Variants in ATXN1 observed in about 807,000 individuals in gnomAD.
ATXN1 encodes ataxin 1.
In ATXN1, 8 loss-of-function variants were observed where a neutral mutation model predicts 56.4. The observed-to-expected ratio is 0.14, with a 90% CI of 0.08 to 0.26. ATXN1 has a LOEUF of 0.26. ATXN1 is among the 10% of genes least tolerant of loss of function. ATXN1 has a pLI of 1.00. For missense variants in ATXN1, 987 were observed against 1,106.5 expected, an observed-to-expected ratio of 0.89 and a Z score of 1.53; for synonymous variants, 514 against 494.6, an observed-to-expected ratio of 1.04 and a Z score of -0.52.
At chr6:16,616,997 T>C (rs975440146) in intron 3 of ATXN1, among the ~76,000 whole-genome samples, 2 of 152,102 alleles carry the variant, frequency 1.3e-5, no homozygotes, top group Non-Finnish European at 2.9e-5. Flanking sequence ...ATCTCTAATT[T>C]ATACATTGAA....
At chr6:16,713,952 G>A (rs773958394) in intron 2 of ATXN1, among the ~76,000 whole-genome samples, 6 of 152,194 alleles carry the variant, frequency 3.9e-5, no homozygotes, top group Non-Finnish European at 5.9e-5. Context: ...GAGGCCAGAA[G>A]TTTGAGACCA....
In ATXN1 at chr6:16,567,660, T is replaced by C. The variant is rs139833986; in HGVS notation, c.-361+18120A>G. The stretch of plus-strand genomic sequence containing the variant: ...TGCTCTGCTAACAATGAGAAATTTT[T>C]ACTTGTATATGGATAGTAAGTTCCC... On this transcript the variant is annotated intron_variant, in intron 4 of 7. Coordinates refer to ENST00000436367, the MANE Select transcript of ATXN1 (RefSeq NM_001128164.2). 9.0e-3 allele frequency among the ~76,000 whole-genome samples: 1,369 copies of C among 152,002 alleles called. 17 individuals are homozygous for C. Among genetic ancestry groups the C allele is most frequent in the Non-Finnish European group, 0.011 (741 of 67,850 alleles).
chr6:16,575,110 G>A (rs1447331296), intron 4 of ATXN1, among the ~76,000 whole-genome samples: 1 of 152,062 alleles, frequency 6.6e-6, no homozygotes, highest in Non-Finnish European at 1.5e-5. Context: ...CATTAACCTT[G>A]ATCACTCAGT....
chr6:16,487,873 G>A (rs1268296179), intron 5 of ATXN1, among the ~76,000 whole-genome samples: 2 of 152,154 alleles, frequency 1.3e-5, no homozygotes, highest in Admixed American at 6.5e-5. Flanking sequence ...AGTCAAAAAT[G>A]AGCAGAAGTT....
intron 6 of ATXN1, among the ~76,000 whole-genome samples, chr6:16,405,969 G>T (rs941544889): frequency 6.6e-6 from 1 of 152,180 alleles, no homozygotes; most frequent in Non-Finnish European, 1.5e-5. Context: ...TGAAATGCCA[G>T]TGTATGAACC....
chr6:16,713,913 T>C (rs1759579244), intron 2 of ATXN1, among the ~76,000 whole-genome samples: 1 of 152,180 alleles, frequency 6.6e-6, no homozygotes, highest in Admixed American at 6.5e-5. Flanking sequence ...ATCCCAGTAC[T>C]TTGGGAGGCC....
At chr6:16,631,207 G>A (rs1207759125) in intron 3 of ATXN1, among the ~76,000 whole-genome samples, 1 of 152,154 alleles carries the variant, frequency 6.6e-6, no homozygotes, top group East Asian at 1.9e-4. Flanking sequence ...AAATTATGGA[G>A]GCTGGATTTG....
chr6:16,581,418 A>G (rs780654141), intron 4 of ATXN1, among the ~76,000 whole-genome samples: 1 of 152,148 alleles, frequency 6.6e-6, no homozygotes, highest in Non-Finnish European at 1.5e-5. Context: ...CGTCAAAGAC[A>G]GTAAATCCGA....
rs1760265236 is a variant in ATXN1 at position 16,306,883 on chromosome 6, G to A, written c.1918-24C>T. The stretch of plus-strand genomic sequence containing the variant: ...ACCTGTGGAAACAGGGAGAGACAGA[G>A]AGAGGAAGAAGGAAGGGAACAAATG... On this transcript the variant is annotated intron_variant, in intron 7 of 7. Transcript: ENST00000436367. This position sits in a 1 kb window ranked among gnomAD's most constrained non-coding sequence, Gnocchi z 5.2. The A allele has an allele frequency of 6.4e-7, 1 of 1,573,536 alleles. No homozygotes were observed.
intron 6 of ATXN1, among the ~76,000 whole-genome samples, chr6:16,457,014 C>T (rs549528517): frequency 1.4e-4 from 22 of 152,184 alleles, no homozygotes; most frequent in Non-Finnish European, 3.2e-4. Flanking sequence ...ATCACTCTTC[C>T]AACCCTGGAG....
chr6:16,362,854 T>C (rs1761839453), intron 6 of ATXN1, among the ~76,000 whole-genome samples: 1 of 152,220 alleles, frequency 6.6e-6, no homozygotes, highest in Admixed American at 6.5e-5. Context: ...ATATTAGTGA[T>C]GAGCAGTAGG....
intron 3 of ATXN1, among the ~76,000 whole-genome samples, chr6:16,597,148 T>C (rs1762830350): frequency 6.6e-6 from 1 of 152,178 alleles, no homozygotes; most frequent in African/African-American, 2.4e-5. Flanking sequence ...TCCTACTCCT[T>C]CCACTAGAAG....
chr6:16,344,435 G>A (rs1414992179), intron 6 of ATXN1, among the ~76,000 whole-genome samples: 1 of 152,220 alleles, frequency 6.6e-6, no homozygotes, highest in Non-Finnish European at 1.5e-5. Flanking sequence ...CTCAATCTGG[G>A]TGGGCACAAT....
intron 3 of ATXN1, among the ~76,000 whole-genome samples, chr6:16,642,632 T>C (rs1284777800): frequency 6.6e-6 from 1 of 151,868 alleles, no homozygotes; most frequent in African/African-American, 2.4e-5. Flanking sequence ...AAAGGAAGAG[T>C]CAATAAATGT....
At position 16,429,053 on chromosome 6, in the gene ATXN1, AG is replaced by A. The variant is rs1353760007; in HGVS notation, c.-161+56918del. Among the ~76,000 whole-genome samples, 10 of 142,422 alleles carry A rather than the reference AG, an allele frequency of 7.0e-5. No homozygotes were observed. In the East Asian group the frequency reaches 2.1e-3, roughly 29 times the overall value. The allele number at this position is 142,422 out of a possible 152,430, so 93.4% of individuals were successfully genotyped here. A position where few individuals can be genotyped will look rare whatever the true frequency, so the allele number is the denominator to read the frequency against. ...GTGGAGCAGTGGGGGCGGCGAGGGT[AG>A]GGGGGTGGGAGGTCACCTGCTGGAC... On this transcript the variant is annotated intron_variant, in intron 6 of 7. Coordinates refer to ENST00000436367, the MANE Select transcript of ATXN1 (RefSeq NM_001128164.2).
At chr6:16,637,903 T>C (rs1401793766) in intron 3 of ATXN1, among the ~76,000 whole-genome samples, 2 of 152,332 alleles carry the variant, frequency 1.3e-5, no homozygotes, top group Admixed American at 1.3e-4. Context: ...GTCCAAGATA[T>C]AAATTTCCTT....
At chr6:16,739,614 A>G (rs1760260783) in intron 2 of ATXN1, 1 of 311,460 alleles carries the variant, frequency 3.2e-6, no homozygotes, top group African/African-American at 2.2e-5. Context: ...CTGCAAGCCA[A>G]TCAGGCAGAA....
chr6:16,367,497 T>C (rs1761948127), intron 6 of ATXN1, among the ~76,000 whole-genome samples: 2 of 152,132 alleles, frequency 1.3e-5, no homozygotes, highest in Admixed American at 1.3e-4. Context: ...AGTTGTCTGA[T>C]TTGTACACAC....
intron 4 of ATXN1, among the ~76,000 whole-genome samples, chr6:16,566,213 G>A (rs1001456344): frequency 6.6e-6 from 1 of 152,088 alleles, no homozygotes; most frequent in Admixed American, 6.5e-5. Flanking sequence ...GACACTTAAT[G>A]ACTTATAATC....
Sources: allele counts gnomAD v4.1 joint callset (sites outside exome capture counted in the v4.1 genomes callset), GRCh38; gene constraint gnomAD v4.1.1; non-coding constraint Gnocchi (gnomAD v3.1); transcripts MANE v1.5; gene names NCBI Gene and HGNC (gene_info 2026-07-23, HGNC 2026-07-21).